Variants in MUC4 observed in about 807,000 individuals in gnomAD.
MUC4 encodes mucin 4, cell surface associated.
Under a neutral mutation model 257.9 loss-of-function variants are expected in MUC4, and 202 were observed. That is an observed-to-expected ratio of 0.78 (90% confidence interval 0.70 to 0.88). The LOEUF is 0.88. Ranked by LOEUF, MUC4 falls within the 40% of genes least tolerant of loss-of-function variation. The pLI, the probability that MUC4 is intolerant of heterozygous loss-of-function variation, is 0.00. For missense variants in MUC4, 5,976 were observed against 6,513.7 expected (o/e 0.92, Z 2.84); for synonymous variants, 2,351 against 2,757.1 (o/e 0.85, Z 4.62).
At chr3:195,763,101 C>G (rs963673851) in intron 12 of MUC4, among the ~76,000 whole-genome samples, 156 bp from the exon 13 acceptor site, 1 of 152,236 alleles carries the variant, frequency 6.6e-6, no homozygotes, top group Non-Finnish European at 1.5e-5. Flanking sequence ...CGCCGTCTAC[C>G]GTGTGCTCGG....
Position 195,779,621 on chromosome 3 carries a change from C to A in MUC4, c.11959G>T (p.Val3987Phe). ...GTGGATACTGAGGAAGTGTCGGTGA[C>A]AGGAAGGGGGGTGGCGTGACCTGTG... ...ASTGHATPLP[V>F]TDTSSVSTGH... The change falls in exon 2 of 25, where the codon GTC (valine) becomes TTC (phenylalanine). Residue 3987 changes from valine (V) to phenylalanine (F), a missense_variant. Around this residue, in one of 44 missense-constraint regions of MUC4, gnomAD observed 293 missense variants for 294.5 expected, o/e 1.00. Coordinates refer to ENST00000463781, the MANE Select transcript of MUC4 (RefSeq NM_018406.7). The A allele has an allele frequency of 9.2e-7, 1 of 1,091,270 alleles. No homozygotes were observed. Among genetic ancestry groups the A allele is most frequent in the Non-Finnish European group, 1.2e-6 (1 of 811,540 alleles). The allele number at this position is 1,091,270 out of a possible 1,614,324, so 67.6% of individuals were successfully genotyped here.
At chr3:195,802,073 T>C (rs1286897218) in intron 1 of MUC4, among the ~76,000 whole-genome samples, 2 of 152,174 alleles carry the variant, frequency 1.3e-5, no homozygotes, top group African/African-American at 4.8e-5. Flanking sequence ...CCCACCCATA[T>C]GCTGGCCTCA....
chr3:195,767,817 C>CCACCACCACCACCAT (rs1225292367), intron 7 of MUC4, among the ~76,000 whole-genome samples: 9 of 95,340 alleles, frequency 9.4e-5, no homozygotes, highest in Non-Finnish European at 1.4e-4. Flanking sequence ...ACCACCATCA[C>CCACCACCACCACCAT]CACCACCACC....
chr3:195,790,206 A>C lies in MUC4; in HGVS notation c.1374T>G (p.Gly458=). The C allele has an allele frequency of 6.2e-7, 1 of 1,613,996 alleles. No homozygotes were observed. The highest frequency in any genetic ancestry group is 1.1e-5 in the South Asian group (1 of 91,084). ...CATGAGGCCGTCCTGTGGTCTCTGCACCTTCACTCTGCTGGGTGTGGAAAG... is the reference window on the plus strand; with the variant it reads ...CATGAGGCCGTCCTGTGGTCTCTGCCCCTTCACTCTGCTGGGTGTGGAAAG... ...STAFHTQQSE[G]AETTGRPHER... is the part of the protein sequence containing the mutation. Residue 458 remains glycine, a synonymous_variant, in exon 2 of 25, where the codon GGT becomes GGG. Transcript: ENST00000463781.
rs1345756993 is a variant in MUC4, at chr3:195,790,854, T to C, written c.726A>G (p.Ser242=). ...TGTVSQKTSP[S]GETATSSLCS... ...AGAGGGATGAGGTAGCTGTTTCACCTGAAGGAGATGTCTTCTGAGAAACAG... is the reference window on the plus strand; with the variant it reads ...AGAGGGATGAGGTAGCTGTTTCACCCGAAGGAGATGTCTTCTGAGAAACAG... Residue 242 remains serine (S), a synonymous_variant, in exon 2 of 25, where the codon TCA becomes TCG. Coordinates refer to ENST00000463781, the MANE Select transcript of MUC4 (RefSeq NM_018406.7). The C allele has an allele frequency of 1.2e-6, 2 of 1,613,974 alleles. No homozygotes were observed.
rs868253217 is a variant in MUC4 at position 195,781,676 on chromosome 3, T to A, written c.9904A>T (p.Thr3302Ser). The A allele has an allele frequency of 8.8e-7, 1 of 1,140,702 alleles. No homozygotes were observed. Among genetic ancestry groups the A allele is most frequent in the African/African-American group, 2.4e-5 (1 of 41,928 alleles). The allele number at this position is 1,140,702 out of a possible 1,614,324, so 70.7% of individuals were successfully genotyped here. Residue 3302 changes from threonine (T) to serine (S), a missense_variant, in exon 2 of 25, where the codon ACT (threonine) becomes TCT (serine). Physicochemically the swap from Thr to Ser is moderately conservative, Grantham distance 58. Transcript: ENST00000463781. Reference protein sequence around the residue: ...GDTTPLLVTETSSVSTGHATP... With the variant: ...GDTTPLLVTESSSVSTGHATP... ...GCGTGACCTGTGGATACTGAGGAAG[T>A]CTCGGTGACAAGAAGAGGGGTGGTG...
intron 8 of MUC4, among the ~76,000 whole-genome samples, chr3:195,765,857 A>T (rs1720347641): frequency 6.6e-6 from 1 of 152,168 alleles, no homozygotes; most frequent in Non-Finnish European, 1.5e-5. Flanking sequence ...GAGAAAACAC[A>T]GTTGGTCTTT....
rs200317787 is a variant in MUC4 at position 195,779,708 on chromosome 3, T to C, written c.11872A>G (p.Thr3958Ala). The stretch of plus-strand genomic sequence containing the variant: ...GCGTGACCTGTGGATACTGAGGAAG[T>C]GTCGGTGACAGGAAGAGGGGTGGTG... ...GDTTPLPVTD[T>A]SSVSTGHATS... Residue 3958 changes from threonine to alanine, a missense_variant, in exon 2 of 25, where the codon ACT (threonine) becomes GCT (alanine). This residue lies in a region of MUC4 where 293 missense variants were observed against 294.5 expected (regional missense o/e 1.00). Coordinates refer to ENST00000463781, the MANE Select transcript of MUC4 (RefSeq NM_018406.7). 7.3e-5 allele frequency: 91 copies of C among 1,253,518 alleles called. 4 individuals carry two copies. The highest frequency in any genetic ancestry group is 4.0e-4 in the Admixed American group (14 of 34,908). The allele number at this position is 1,253,518 out of a possible 1,614,324, so 77.6% of individuals were successfully genotyped here. A position where few individuals can be genotyped will look rare whatever the true frequency, so the allele number is the denominator to read the frequency against.
At position 195,788,995 on chromosome 3, in the gene MUC4, C is replaced by G. The variant is rs773939137; in HGVS notation, c.2585G>C (p.Gly862Ala). The G allele has an allele frequency of 6.2e-7, 1 of 1,613,816 alleles. No individual in the cohort carries two copies. The highest frequency in any genetic ancestry group is 1.3e-5 in the African/African-American group (1 of 74,980). Residue 862 changes from glycine to alanine, a missense_variant, in exon 2 of 25, where the codon GGA becomes GCA. Transcript: ENST00000463781. ...ASHGAIPVST[G>A]MASSIVPGTF... The stretch of plus-strand genomic sequence containing the variant: ...GCCGGGGACGATCGAAGACGCCATT[C>G]CTGTGCTTACTGGGATGGCACCATG...
chr3:195,790,808 T>C lies in MUC4; in HGVS notation c.772A>G (p.Met258Val). The part of the protein sequence containing the change: ...SSLCSVTNTS[M>V]MTSEKITVTT... ...ACTGTTATCTTCTCTGATGTCATCATGGATGTGTTTGTGACACTACAGAGG... is the reference window on the plus strand; with the variant it reads ...ACTGTTATCTTCTCTGATGTCATCACGGATGTGTTTGTGACACTACAGAGG... The change falls in exon 2 of 25, where the codon ATG becomes GTG. Residue 258 changes from methionine to valine, a missense_variant. Met to Val is a conservative substitution (Grantham distance 21, BLOSUM62 1). Coordinates refer to ENST00000463781, the MANE Select transcript of MUC4 (RefSeq NM_018406.7). 3 of 1,613,708 alleles carry C rather than the reference T, an allele frequency of 1.9e-6. No homozygotes were observed. Among genetic ancestry groups the C allele is most frequent in the Non-Finnish European group, 1.7e-6 (2 of 1,179,808 alleles).
Position 195,782,550 on chromosome 3 carries a change from A to C in MUC4, c.9030T>G (p.Pro3010=). 10 of 920,702 alleles carry C rather than the reference A, an allele frequency of 1.1e-5. No homozygotes were observed. Among genetic ancestry groups the C allele is most frequent in the Non-Finnish European group, 1.5e-5 (10 of 651,384 alleles). 57.0% of individuals were successfully genotyped at this position (920,702 alleles called of 1,614,324 possible). A position where few individuals can be genotyped will look rare whatever the true frequency, so the allele number is the denominator to read the frequency against. ...SASIGHATSL[P]VTDTSSISTG... ...TGGATATTGAGGAAGTGTCGGTGAC[A>C]GGAAGAGAGGTGGCGTGACCTATGG... Residue 3010 remains proline, a synonymous_variant, in exon 2 of 25, where the codon CCT becomes CCG. Coordinates refer to ENST00000463781, the MANE Select transcript of MUC4 (RefSeq NM_018406.7).
At position 195,782,580 on chromosome 3, in the gene MUC4, T is replaced by C. The variant is rs1480996748; in HGVS notation, c.9000A>G (p.Ser3000=). 1.1e-6 allele frequency: 1 copy of C among 915,448 alleles called. No individual in the cohort carries two copies. Among genetic ancestry groups the C allele is most frequent in the Admixed American group, 2.7e-5 (1 of 36,884 alleles). 56.7% of individuals were successfully genotyped at this position (915,448 alleles called of 1,614,324 possible). The change falls in exon 2 of 25, where the codon TCA becomes TCG. Residue 3000 remains serine (S), a synonymous_variant. Coordinates refer to ENST00000463781, the MANE Select transcript of MUC4 (RefSeq NM_018406.7). ...ATLLPVTDTS[S]ASIGHATSLP... The stretch of plus-strand genomic sequence containing the variant: ...GAGAGGTGGCGTGACCTATGGATGC[T>C]GAGGAAGTGTCGGTGACAGGAAGAA...
intron 16 of MUC4, among the ~76,000 whole-genome samples, chr3:195,760,471 G>GATGGATGGAGGGGCTGGGAAGGCA (rs1560238658): frequency 6.8e-6 from 1 of 147,576 alleles, no homozygotes; most frequent in African/African-American, 2.6e-5. Context: ...CTGGGAAGGG[G>GATGGATGGAGGGGCTGGGAAGGCA]TCCAGCGCTA....
At chr3:195,768,642 C>T (rs1722135723) in intron 7 of MUC4, among the ~76,000 whole-genome samples, 1 of 152,170 alleles carries the variant, frequency 6.6e-6, no homozygotes, top group South Asian at 2.1e-4. Context: ...TAGTATCTGC[C>T]TCGTGGGGTG....
At chr3:195,760,595 G>GGA (rs1390931598) in intron 16 of MUC4, among the ~76,000 whole-genome samples, 28 of 117,680 alleles carry the variant, frequency 2.4e-4, no homozygotes, top group African/African-American at 6.3e-4. Flanking sequence ...TCCAGCGCTA[G>GGA]TATGGAGTGA....
At chr3:195,799,243 GTGTGTGTGTGTGTGTGTGACAC>G (rs1734981228) in intron 1 of MUC4, among the ~76,000 whole-genome samples, 1 of 119,798 alleles carries the variant, frequency 8.3e-6, no homozygotes, top group African/African-American at 2.6e-5. Flanking sequence ...GTGTGTGTGT[GTGTGTGTGTGTGTGTGTGACAC>G]TGTGTGTGTG....
intron 1 of MUC4, among the ~76,000 whole-genome samples, chr3:195,797,096 T>A (rs1439191709): frequency 6.6e-6 from 1 of 151,550 alleles, no homozygotes; most frequent in Non-Finnish European, 1.5e-5. Context: ...TACAAAAAAT[T>A]TGTATTTTTT....
intron 7 of MUC4, among the ~76,000 whole-genome samples, chr3:195,767,775 C>CCAT (rs1327424312): frequency 3.8e-5 from 4 of 106,620 alleles, no homozygotes; most frequent in African/African-American, 1.7e-4. Flanking sequence ...ACCACCACCA[C>CCAT]CATCACCACC....
rs1715150177 is a variant in MUC4, at chr3:195,746,930, G to T, written c.*246C>A. The T allele has an allele frequency of 8.2e-6, 5 of 611,530 alleles. No homozygotes were observed. The highest frequency in any genetic ancestry group is 2.0e-5 in the South Asian group (1 of 49,252). 37.9% of individuals were successfully genotyped at this position (611,530 alleles called of 1,614,324 possible). On this transcript the variant is annotated 3_prime_UTR_variant, in exon 25 of 25. Coordinates refer to ENST00000463781, the MANE Select transcript of MUC4 (RefSeq NM_018406.7). ...TGCACGCGCGCGTGCACAGGCTAGT[G>T]TCCTTCTGTGGGTGTGTCTGCGTGA...
Sources: allele counts gnomAD v4.1 joint callset (sites outside exome capture counted in the v4.1 genomes callset), GRCh38; gene constraint gnomAD v4.1.1; regional missense constraint gnomAD v4.1.1; transcripts MANE v1.5; gene names NCBI Gene and HGNC (gene_info 2026-07-23, HGNC 2026-07-21).